The following SAXO4 variants were observed in gnomAD, a reference collection of about 807,000 sequenced individuals.
The protein encoded by SAXO4 is protein phosphatase 1 regulatory subunit 32.
the SAXO4 span, chr11:61,481,912 G>A: frequency 1.3e-6 from 2 of 1,581,348 alleles, no homozygotes; most frequent in African/African-American, 1.4e-5. Context: ...CTACTGCACC[G>A]CCTACGGTGA....
chr11:61,481,240 G>T, the SAXO4 span: 1 of 152,540 alleles, frequency 6.6e-6, no homozygotes, highest in South Asian at 2.1e-4. Context: ...CGCTGTGGTT[G>T]GGCCTCGGGG....
chr11:61,488,472 A>AT, the SAXO4 span, among the ~76,000 whole-genome samples: 6 of 151,618 alleles, frequency 4.0e-5, no homozygotes, highest in Admixed American at 2.6e-4. Context: ...GCCCGGCTAC[A>AT]TTTTTGTATT....
At chr11:61,484,723 G>A in the SAXO4 span, 22 of 1,613,756 alleles carry the variant, frequency 1.4e-5, no homozygotes, top group Non-Finnish European at 1.9e-5. Context: ...AGGAGCACGG[G>A]CCTCAGGCCA....
the SAXO4 span, chr11:61,486,522 A>T: frequency 2.6e-5 from 42 of 1,614,088 alleles, no homozygotes; most frequent in East Asian, 7.6e-4. Flanking sequence ...TGCTCCCTCC[A>T]GGGAGATGAG....
chr11:61,484,946 A>C, the SAXO4 span: 1 of 1,165,126 alleles, frequency 8.6e-7, no homozygotes, highest in Admixed American at 2.9e-5. Context: ...CAGGGCGCCA[A>C]GAAAGATGGG....
the SAXO4 span, chr11:61,484,720 C>T: frequency 3.0e-5 from 48 of 1,613,604 alleles, no homozygotes; most frequent in East Asian, 6.7e-5. Context: ...CCCAGGAGCA[C>T]GGGCCTCAGG....
At chr11:61,482,757 C>A in the SAXO4 span, 4 of 1,613,750 alleles carry the variant, frequency 2.5e-6, no homozygotes, top group South Asian at 4.4e-5. Flanking sequence ...TGCGCCAGAC[C>A]AGCTCAGGCT....
At chr11:61,490,005 G>T in the SAXO4 span, 1 of 1,504,012 alleles carries the variant, frequency 6.6e-7, no homozygotes, top group Non-Finnish European at 9.0e-7. Flanking sequence ...CGTGTGCCAG[G>T]CCTTTCCCTT....
At chr11:61,485,469 G>A in the SAXO4 span, 3 of 1,434,460 alleles carry the variant, frequency 2.1e-6, no homozygotes, top group African/African-American at 2.8e-5. Flanking sequence ...GCTACCCCAG[G>A]GGCCCTGGAG....
At chr11:61,487,054 G>A in the SAXO4 span, 3 of 1,613,994 alleles carry the variant, frequency 1.9e-6, no homozygotes, top group Non-Finnish European at 8.5e-7. Flanking sequence ...GAGACTGTGG[G>A]GAAAAAGGTG....
the SAXO4 span, among the ~76,000 whole-genome samples, chr11:61,488,382 G>T: frequency 6.9e-6 from 1 of 144,422 alleles, no homozygotes; most frequent in Non-Finnish European, 1.5e-5. Context: ...TCGGCTCACT[G>T]CAAACCCCGC....
the SAXO4 span, chr11:61,489,963 C>A: frequency 2.5e-6 from 4 of 1,599,698 alleles, no homozygotes; most frequent in African/African-American, 5.3e-5. Flanking sequence ...CCACCCCCAG[C>A]TCTGTTCTTT....
chr11:61,482,842 C>T, the SAXO4 span: 1 of 1,562,292 alleles, frequency 6.4e-7, no homozygotes, highest in Non-Finnish European at 8.6e-7. Context: ...AGAGGGAAGC[C>T]TCAGGGTGGG....
chr11:61,486,275 G>C, the SAXO4 span: 1 of 1,541,376 alleles, frequency 6.5e-7, no homozygotes, highest in African/African-American at 1.4e-5. Flanking sequence ...TGGAGGCAGA[G>C]TGGGTGGGAG....
the SAXO4 span, among the ~76,000 whole-genome samples, chr11:61,483,553 G>A: frequency 2.0e-5 from 3 of 152,094 alleles, no homozygotes; most frequent in African/African-American, 4.8e-5. Flanking sequence ...TTCATCCAGC[G>A]AGAATGTTCT....
the SAXO4 span, chr11:61,488,726 C>G: frequency 2.6e-5 from 4 of 153,892 alleles, no homozygotes; most frequent in African/African-American, 9.6e-5. Flanking sequence ...GGATACCTCC[C>G]AGAATCCATT....
chr11:61,489,555 AC>A, the SAXO4 span: 1 of 595,212 alleles, frequency 1.7e-6, no homozygotes, highest in East Asian at 2.8e-5. Flanking sequence ...CATCACTGAA[AC>A]TGTCCTTTAA....
the SAXO4 span, chr11:61,489,439 G>GTGAAATGGAAGGAAATGGAAA: frequency 1.8e-6 from 1 of 556,224 alleles, no homozygotes; most frequent in Admixed American, 3.4e-5. Flanking sequence ...GCTGTGCTCA[G>GTGAAATGGAAGGAAATGGAAA]TGAAATGGAA....
the SAXO4 span, chr11:61,481,908 C>G: frequency 6.3e-7 from 1 of 1,582,048 alleles, no homozygotes; most frequent in African/African-American, 1.4e-5. Flanking sequence ...CCAGCTACTG[C>G]ACCGCCTACG....
Sources: allele counts gnomAD v4.1 joint callset (sites outside exome capture counted in the v4.1 genomes callset), GRCh38; gene constraint gnomAD v4.1.1; transcripts MANE v1.5; gene names NCBI Gene and HGNC (gene_info 2026-07-23, HGNC 2026-07-21).